The following RHBDD1 variants were observed in gnomAD, a reference collection of about 807,000 sequenced individuals.
The protein encoded by RHBDD1 is rhomboid-related protein 4.
A neutral mutation model predicts 36.3 loss-of-function variants in RHBDD1; 38 were observed. That is an observed-to-expected ratio of 1.05 (90% confidence interval 0.81 to 1.37). The LOEUF is 1.37. Ranked by LOEUF, RHBDD1 falls within the 40% of genes most tolerant of loss-of-function variation. RHBDD1 has a pLI of 0.00. For synonymous variants in RHBDD1, 151 were observed against 136.5 expected (o/e 1.11, Z -0.74); for missense variants, 393 against 377.6 (o/e 1.04, Z -0.34).
intron 5 of RHBDD1, 40 bp downstream of exon 5, chr2:226,867,358 A>C (rs1381695849): frequency 1.3e-6 from 2 of 1,584,976 alleles, no homozygotes; most frequent in Non-Finnish European, 1.7e-6. Flanking sequence ...GAAGGACCTG[A>C]TGTTCTGTGG....
intron 8 of RHBDD1, among the ~76,000 whole-genome samples, chr2:226,965,100 A>C (rs1952520600): frequency 6.6e-6 from 1 of 152,116 alleles, no homozygotes; most frequent in South Asian, 2.1e-4. Context: ...GCAGGTAATT[A>C]AGGTAAGGAT....
chr2:226,978,713 A>T (rs1052639206), intron 8 of RHBDD1, among the ~76,000 whole-genome samples: 2 of 152,188 alleles, frequency 1.3e-5, no homozygotes, highest in African/African-American at 4.8e-5. Context: ...ATCACTAACC[A>T]TGGCATCATG....
the RHBDD1 span, among the ~76,000 whole-genome samples, chr2:226,812,469 A>T: frequency 6.6e-6 from 1 of 152,274 alleles, no homozygotes; most frequent in Admixed American, 6.5e-5. Flanking sequence ...ATGTCGAAAC[A>T]ACATATGTGT....
chr2:226,826,183 C>A, the RHBDD1 span, among the ~76,000 whole-genome samples: 1 of 152,076 alleles, frequency 6.6e-6, no homozygotes, highest in Admixed American at 6.6e-5. Flanking sequence ...TGGTTTAACA[C>A]CCCAAAATAG....
chr2:226,956,183 G>T (rs1168005499), intron 8 of RHBDD1, among the ~76,000 whole-genome samples: 1 of 152,106 alleles, frequency 6.6e-6, no homozygotes, highest in Non-Finnish European at 1.5e-5. Context: ...TCCCCTCTGG[G>T]AGTCCCACTG....
At chr2:226,921,271 G>T (rs942987172) in intron 8 of RHBDD1, among the ~76,000 whole-genome samples, 1 of 151,804 alleles carries the variant, frequency 6.6e-6, no homozygotes, top group African/African-American at 2.4e-5. Flanking sequence ...AAGGTGTGTT[G>T]ATTTTGTTTA....
chr2:226,932,625 C>G (rs968872984), intron 8 of RHBDD1, among the ~76,000 whole-genome samples: 5 of 151,810 alleles, frequency 3.3e-5, no homozygotes, highest in African/African-American at 1.2e-4. Context: ...CTCCCTTGTC[C>G]CTCTCCCGGT....
upstream of RHBDD1, among the ~76,000 whole-genome samples, chr2:226,832,254 T>C (rs1057312767): frequency 1.6e-4 from 25 of 152,218 alleles, no homozygotes; most frequent in African/African-American, 3.6e-4. Flanking sequence ...CCTTGGCCCA[T>C]GAGTAATCTA....
chr2:226,970,054 C>T (rs565818318), intron 8 of RHBDD1, among the ~76,000 whole-genome samples: 1 of 141,550 alleles, frequency 7.1e-6, no homozygotes, highest in African/African-American at 2.6e-5. Context: ...ATCGTCATCC[C>T]AGCCCTCTCC....
chr2:226,821,349 T>G, the RHBDD1 span, among the ~76,000 whole-genome samples: 2 of 152,160 alleles, frequency 1.3e-5, no homozygotes, highest in Non-Finnish European at 2.9e-5. Context: ...AAGCAGTGAA[T>G]GAACTTTTAA....
At chr2:226,912,125 G>T (rs1948563169) in intron 7 of RHBDD1, among the ~76,000 whole-genome samples, 8 of 152,092 alleles carry the variant, frequency 5.3e-5, no homozygotes, top group Admixed American at 4.6e-4. Context: ...AAGACACTCA[G>T]CATTATTAGT....
intron 8 of RHBDD1, among the ~76,000 whole-genome samples, chr2:226,954,592 C>T (rs1395796945): frequency 6.6e-6 from 1 of 151,958 alleles, no homozygotes; most frequent in African/African-American, 2.4e-5. Flanking sequence ...GCTCCCCCGA[C>T]CCCCACCAAC....
chr2:226,902,816 A>C (rs1438775669), intron 5 of RHBDD1, among the ~76,000 whole-genome samples: 3 of 152,176 alleles, frequency 2.0e-5, no homozygotes, highest in Non-Finnish European at 4.4e-5. Context: ...AGATATTTGA[A>C]ATTATATTAG....
chr2:226,876,561 A>T (rs1342604144), intron 5 of RHBDD1, among the ~76,000 whole-genome samples: 1 of 152,240 alleles, frequency 6.6e-6, no homozygotes, highest in Admixed American at 6.5e-5. Flanking sequence ...AAGTTAACTT[A>T]TTGTAGCTAC....
intron 8 of RHBDD1, among the ~76,000 whole-genome samples, chr2:226,982,294 G>A (rs148228247): frequency 2.6e-5 from 4 of 152,334 alleles, no homozygotes; most frequent in African/African-American, 9.6e-5. Flanking sequence ...ATGCCAGGTG[G>A]CTGTCAGCTT....
intron 8 of RHBDD1, among the ~76,000 whole-genome samples, chr2:226,977,305 T>A (rs1954783475): frequency 6.6e-6 from 1 of 152,160 alleles, no homozygotes. Flanking sequence ...TTTTTTTCTG[T>A]AAACACAAAT....
chr2:226,962,091 C>T (rs771119031), intron 8 of RHBDD1, among the ~76,000 whole-genome samples: 4 of 152,208 alleles, frequency 2.6e-5, no homozygotes, highest in South Asian at 2.1e-4. Context: ...CTTAGACATC[C>T]GAGCTACTCT....
chr2:226,989,382 G>T (rs939661374), intron 8 of RHBDD1, among the ~76,000 whole-genome samples: 3 of 152,164 alleles, frequency 2.0e-5, no homozygotes, highest in African/African-American at 7.2e-5. Flanking sequence ...GTTGGGTAAC[G>T]GGGTATAGTA....
intron 8 of RHBDD1, among the ~76,000 whole-genome samples, chr2:226,977,189 C>CTCG (rs1954758906): frequency 6.6e-6 from 1 of 152,208 alleles, no homozygotes; most frequent in Admixed American, 6.5e-5. Flanking sequence ...CATTGGATGT[C>CTCG]TCGCGTCTCT....
Sources: allele counts gnomAD v4.1 joint callset (sites outside exome capture counted in the v4.1 genomes callset), GRCh38; gene constraint gnomAD v4.1.1; transcripts MANE v1.5; gene names NCBI Gene and HGNC (gene_info 2026-07-23, HGNC 2026-07-21).